MKX: variants seen among roughly 807,000 people sequenced by gnomAD.
The protein encoded by MKX is homeobox protein Mohawk.
In MKX, 13 loss-of-function variants were observed where a neutral mutation model predicts 36.0. That is an observed-to-expected ratio of 0.36 (90% CI 0.24 to 0.57). The LOEUF is 0.57. Among genes scored for constraint, MKX ranks in the 20% least tolerant of loss-of-function variants. MKX has a pLI of 0.79. For synonymous variants in MKX, 176 were observed against 178.3 expected (o/e 0.99, Z 0.10); for missense variants, 458 against 456.4 (o/e 1.00, Z -0.03).
chr10:27,718,316 T>C (rs1837000450), intron 5 of MKX, among the ~76,000 whole-genome samples: 1 of 152,242 alleles, frequency 6.6e-6, no homozygotes, highest in Non-Finnish European at 1.5e-5. Context: ...ATGTACTTTA[T>C]TGATATGTTT....
intron 5 of MKX, among the ~76,000 whole-genome samples, chr10:27,714,622 G>A (rs1333659995): frequency 1.3e-5 from 2 of 152,072 alleles, no homozygotes; most frequent in African/African-American, 4.8e-5. Context: ...TTTAATAGCC[G>A]TTACTGCCGA....
rs1199999083 is a variant in MKX, at chr10:27,674,575, C to T, written c.*654G>A. ...AAAGTTTTCCTGGTCACCATGTGTTCAATGAAATTTTAAATTAGCTTGAAG... is the reference window on the plus strand; with the variant it reads ...AAAGTTTTCCTGGTCACCATGTGTTTAATGAAATTTTAAATTAGCTTGAAG... On this transcript the variant is annotated 3_prime_UTR_variant, in exon 7 of 7. Transcript: ENST00000419761. 6.6e-6 allele frequency: 1 copy of T among 151,964 alleles called. No individual in the cohort carries two copies. The highest frequency in any genetic ancestry group is 2.4e-5 in the African/African-American group (1 of 41,316). The allele number at this position is 151,964 out of a possible 1,614,324, so 9.4% of individuals were successfully genotyped here.
rs1834724807 is a variant in MKX, at chr10:27,735,122, C to T, written c.502+99G>A. 8 of 1,138,464 alleles carry T rather than the reference C, an allele frequency of 7.0e-6. No individual in the cohort carries two copies. The South Asian group carries it at 1.4e-4, about 20-fold the overall frequency. 70.5% of individuals were successfully genotyped at this position (1,138,464 alleles called of 1,614,324 possible). A position where few individuals can be genotyped will look rare whatever the true frequency, so the allele number is the denominator to read the frequency against. ...ATGCAATAAAAAAGAACCGTTAAGG[C>T]ACCATCATATTTTGTGAGAGCAACC... On this transcript the variant is annotated intron_variant, in intron 4 of 6. Coordinates refer to ENST00000419761, the MANE Select transcript of MKX (RefSeq NM_173576.3).
At position 27,743,324 on chromosome 10, in the gene MKX, C is replaced by T. The variant is rs771555463; in HGVS notation, c.92G>A (p.Ser31Asn). 14 of 1,585,914 alleles carry T rather than the reference C, an allele frequency of 8.8e-6. No homozygotes were observed. The Admixed American group carries it at 2.5e-4, about 28-fold the overall frequency. ...GGCGTGAGGACTGTCCAGGACACCGCTGTAGGGCCGGCCACCCCGCTCCCG... is the reference window on the plus strand; with the variant it reads ...GGCGTGAGGACTGTCCAGGACACCGTTGTAGGGCCGGCCACCCCGCTCCCG... Reference protein sequence around the residue: ...SERERGGRPYSGVLDSPHARP... With the variant: ...SERERGGRPYNGVLDSPHARP... The change falls in exon 2 of 7, where the codon AGC becomes AAC. Residue 31 changes from serine to asparagine, a missense_variant. Transcript: ENST00000419761.
chr10:27,719,899 G>A (rs1486459295), intron 5 of MKX, among the ~76,000 whole-genome samples: 1 of 151,378 alleles, frequency 6.6e-6, no homozygotes, highest in Non-Finnish European at 1.5e-5. Context: ...CAAGGTAGGA[G>A]GATTGTTTGA....
rs1351651654 is a variant in MKX, at chr10:27,742,208, G to A, written c.189-704C>T. Among the ~76,000 whole-genome samples, 2 of 152,146 alleles carry A rather than the reference G, an allele frequency of 1.3e-5. No individual in the cohort carries two copies. Among genetic ancestry groups the A allele is most frequent in the Non-Finnish European group, 2.9e-5 (2 of 68,016 alleles). Reference sequence around the variant, plus strand: ...GTAAGGTAAAAAGACCTCAGGAAAAGCACATTCAAAGGGGGAGGAGGCAGA... The same window carrying A: ...GTAAGGTAAAAAGACCTCAGGAAAAACACATTCAAAGGGGGAGGAGGCAGA... On this transcript the variant is annotated intron_variant, in intron 2 of 6. Coordinates refer to ENST00000419761, the MANE Select transcript of MKX (RefSeq NM_173576.3). This position sits in a 1 kb window ranked among gnomAD's most constrained non-coding sequence, Gnocchi z 4.2.
chr10:27,741,583 G>A lies in MKX; in HGVS notation c.189-79C>T, dbSNP rs1161500749. 24 of 1,464,036 alleles carry A rather than the reference G, an allele frequency of 1.6e-5. No individual in the cohort carries two copies. The highest frequency in any genetic ancestry group is 1.9e-5 in the Non-Finnish European group (21 of 1,110,678). 90.7% of individuals were successfully genotyped at this position (1,464,036 alleles called of 1,614,324 possible). On this transcript the variant is annotated intron_variant, in intron 2 of 6. Transcript: ENST00000419761. The surrounding 1 kb of genome is among the most constrained non-coding windows in gnomAD (Gnocchi z 5.1). ...GACGCTCCACGCCCCGGCCAAGCCC[G>A]GGCCCCGCATCCAAACTGCGCATTC...
At chr10:27,688,186 TA>T (rs980757729) in intron 5 of MKX, among the ~76,000 whole-genome samples, 262 of 142,598 alleles carry the variant, frequency 1.8e-3, no homozygotes, top group East Asian at 2.0e-3. Context: ...AAGTCCTTGT[TA>T]AAAAAAAAAA....
At position 27,675,054 on chromosome 10, in the gene MKX, A is replaced by G. The variant is rs887843731; in HGVS notation, c.*175T>C. ...TAAGTTAATATTTTTGATTAAAATG[A>G]GTTTTTTATAATTTATATGTCTTTT... is the stretch of plus-strand genomic sequence containing the variant. On this transcript the variant is annotated 3_prime_UTR_variant, in exon 7 of 7. Transcript: ENST00000419761. The G allele has an allele frequency of 2.0e-6, 1 of 511,958 alleles. No homozygotes were observed. The highest frequency in any genetic ancestry group is 1.9e-5 in the African/African-American group (1 of 51,534). 31.7% of individuals were successfully genotyped at this position (511,958 alleles called of 1,614,324 possible). A position where few individuals can be genotyped will look rare whatever the true frequency, so the allele number is the denominator to read the frequency against.
At chr10:27,699,902 G>A (rs1836622342) in intron 5 of MKX, among the ~76,000 whole-genome samples, 2 of 152,190 alleles carry the variant, frequency 1.3e-5, no homozygotes, top group Admixed American at 6.5e-5. Context: ...TATTGGCAAA[G>A]CTCAGAAAAA....
At chr10:27,737,602 A>G (rs1834807427) in intron 3 of MKX, among the ~76,000 whole-genome samples, 1 of 152,106 alleles carries the variant, frequency 6.6e-6, no homozygotes, top group Non-Finnish European at 1.5e-5. Flanking sequence ...CCCTACAGCA[A>G]TGTTAATTTC....
chr10:27,695,426 G>A (rs1241769291), intron 5 of MKX, among the ~76,000 whole-genome samples: 3 of 147,218 alleles, frequency 2.0e-5, no homozygotes, highest in African/African-American at 5.1e-5. Flanking sequence ...TGCTCAGTAA[G>A]GCTTAACAGA....
At chr10:27,715,360 C>T (rs2132603174) in intron 5 of MKX, among the ~76,000 whole-genome samples, 1 of 152,282 alleles carries the variant, frequency 6.6e-6, no homozygotes, top group Non-Finnish European at 1.5e-5. Flanking sequence ...GCCTCAAATG[C>T]TCACAGTGGC....
At chr10:27,686,056 G>T (rs2132501154) in intron 5 of MKX, among the ~76,000 whole-genome samples, 1 of 152,232 alleles carries the variant, frequency 6.6e-6, no homozygotes, top group East Asian at 1.9e-4. Flanking sequence ...TTAAAACTTT[G>T]GCATGACAGG....
chr10:27,695,123 C>T (rs1836530856), intron 5 of MKX, among the ~76,000 whole-genome samples: 1 of 152,090 alleles, frequency 6.6e-6, no homozygotes, highest in East Asian at 1.9e-4. Context: ...TCCTGACATC[C>T]TCTATTATTT....
chr10:27,690,296 G>A (rs184687645), intron 5 of MKX, among the ~76,000 whole-genome samples: 600 of 7,064 alleles, frequency 0.085, 3 homozygotes, highest in African/African-American at 0.21. Context: ...ATTTGAGCCC[G>A]GAGGCGGAGG....
Position 27,734,649 on chromosome 10 carries a change from G to T in MKX, c.645C>A (p.Pro215=), listed in dbSNP as rs764994992. 1.9e-6 allele frequency: 3 copies of T among 1,614,082 alleles called. No individual in the cohort carries two copies. In the Admixed American group the frequency reaches 5.0e-5, roughly 27 times the overall value. ...TCAACAAGCTGCTCTTGTATTTGGGGGGTGCCACGTAGTCCTCACTGGCCC... is the reference window on the plus strand; with the variant it reads ...TCAACAAGCTGCTCTTGTATTTGGGTGGTGCCACGTAGTCCTCACTGGCCC... ...ESRASEDYVA[P]PKYKSSLLNR... Residue 215 remains proline, a synonymous_variant, in exon 5 of 7, where the codon CCC becomes CCA. Coordinates refer to ENST00000419761, the MANE Select transcript of MKX (RefSeq NM_173576.3).
chr10:27,677,187 C>T (rs1393551516), intron 5 of MKX, among the ~76,000 whole-genome samples: 1 of 152,190 alleles, frequency 6.6e-6, no homozygotes, highest in African/African-American at 2.4e-5. Context: ...TGGGGAGCTA[C>T]TGCACTTGGC....
In MKX at chr10:27,741,266, A is replaced by G. The variant is rs1382876794; in HGVS notation, c.348+79T>C. On this transcript the variant is annotated intron_variant, in intron 3 of 6. Coordinates refer to ENST00000419761, the MANE Select transcript of MKX (RefSeq NM_173576.3). The surrounding 1 kb of genome is among the most constrained non-coding windows in gnomAD (Gnocchi z 5.1). The stretch of plus-strand genomic sequence containing the variant: ...CTCCAGGTAGAAGCGCCACGTGGAG[A>G]GCCACACGAACTCTAAGCGTTCCCG... The G allele has an allele frequency of 1.3e-6, 2 of 1,563,252 alleles. No homozygotes were observed. Among genetic ancestry groups the G allele is most frequent in the East Asian group, 2.3e-5 (1 of 44,046 alleles).
Sources: allele counts gnomAD v4.1 joint callset (sites outside exome capture counted in the v4.1 genomes callset), GRCh38; gene constraint gnomAD v4.1.1; non-coding constraint Gnocchi (gnomAD v3.1); transcripts MANE v1.5; gene names NCBI Gene and HGNC (gene_info 2026-07-23, HGNC 2026-07-21).